Variants in HS6ST2 observed in about 807,000 individuals in gnomAD.
HS6ST2 encodes heparan sulfate 6-O-sulfotransferase 2, also known as heparan-sulfate 6-O-sulfotransferase 2.
Under a neutral mutation model 33.0 loss-of-function variants are expected in HS6ST2, and 17 were observed. That is an observed-to-expected ratio of 0.52 (90% CI 0.35 to 0.77). HS6ST2 has a LOEUF of 0.77. HS6ST2 is among the 30% of genes least tolerant of loss of function. The probability of loss-of-function intolerance (pLI) is 0.01; values close to 1 mark genes in which losing one functional copy is unlikely to be tolerated. For missense variants in HS6ST2, 519 were observed against 551.7 expected (o/e 0.94, Z 0.59); for synonymous variants, 248 against 237.1 (o/e 1.05, Z -0.42).
intron 2 of HS6ST2, among the ~76,000 whole-genome samples, chrX:132,727,338 G>C: frequency 9.0e-6 from 1 of 110,689 alleles, no homozygotes; most frequent in Middle Eastern, 4.6e-3. Flanking sequence ...ATGGTGCTTA[G>C]GCGCTTGGAA....
intron 2 of HS6ST2, among the ~76,000 whole-genome samples, chrX:132,795,329 T>G (rs762994574): frequency 8.9e-6 from 1 of 111,956 alleles, no homozygotes; most frequent in Non-Finnish European, 1.9e-5. Context: ...CATGGAAGGC[T>G]GTGAGTATTT....
intron 2 of HS6ST2, among the ~76,000 whole-genome samples, chrX:132,710,180 G>A (rs981793199): frequency 2.3e-4 from 26 of 110,839 alleles, no homozygotes; most frequent in African/African-American, 7.6e-4. Context: ...ATTGAGTGAC[G>A]ATCCATGAAG....
chrX:132,907,732 C>A (rs1311290536), intron 2 of HS6ST2, among the ~76,000 whole-genome samples: 1 of 111,846 alleles, frequency 8.9e-6, no homozygotes, highest in Non-Finnish European at 1.9e-5. Flanking sequence ...TGCAAATGGA[C>A]AAAGATGGAC....
intron 2 of HS6ST2, among the ~76,000 whole-genome samples, chrX:132,890,847 C>T (rs1205582282): frequency 9.0e-6 from 1 of 110,937 alleles, no homozygotes. Flanking sequence ...TGGGCTTTGG[C>T]TGACAATCAT....
chrX:132,791,216 C>T (rs763505821), intron 2 of HS6ST2, among the ~76,000 whole-genome samples: 6 of 111,963 alleles, frequency 5.4e-5, no homozygotes, highest in Non-Finnish European at 9.4e-5. Flanking sequence ...GGAATGGTGA[C>T]TATCACTTCT....
At chrX:132,722,372 T>C (rs1379552965) in intron 2 of HS6ST2, among the ~76,000 whole-genome samples, 1 of 111,698 alleles carries the variant, frequency 9.0e-6, no homozygotes, top group Non-Finnish European at 1.9e-5. Flanking sequence ...TGAAATAATT[T>C]ACTATTGCAA....
intron 2 of HS6ST2, among the ~76,000 whole-genome samples, chrX:132,852,944 T>C (rs1327379678): frequency 1.8e-5 from 2 of 111,687 alleles, no homozygotes; most frequent in Non-Finnish European, 3.8e-5. Flanking sequence ...GTAGATTTAT[T>C]TGGTCATTTG....
upstream of HS6ST2, among the ~76,000 whole-genome samples, chrX:132,960,389 C>T (rs1191310099): frequency 1.8e-5 from 2 of 111,025 alleles, no homozygotes; most frequent in African/African-American, 6.6e-5. Flanking sequence ...CCTGCCATTA[C>T]ACCACCTTTG....
intron 2 of HS6ST2, among the ~76,000 whole-genome samples, chrX:132,718,865 GTC>G (rs201499423): frequency 0.015 from 1,608 of 106,365 alleles, 31 homozygotes; most frequent in African/African-American, 0.047. Context: ...GACAGATCAG[GTC>G]TCTCTCTCTC....
intron 2 of HS6ST2, among the ~76,000 whole-genome samples, chrX:132,807,559 T>C (rs1408439794): frequency 2.7e-5 from 3 of 111,143 alleles, no homozygotes; most frequent in Non-Finnish European, 5.7e-5. Context: ...CTTTACTCAA[T>C]TTCTGATGCT....
intron 2 of HS6ST2, among the ~76,000 whole-genome samples, chrX:132,886,996 G>A (rs1168702324): frequency 7.2e-5 from 8 of 110,519 alleles, no homozygotes; most frequent in African/African-American, 2.0e-4. Flanking sequence ...TTAGCTGAGC[G>A]TAGTGGCACA....
intron 2 of HS6ST2, among the ~76,000 whole-genome samples, chrX:132,741,603 A>G (rs184099700): frequency 1.8e-5 from 2 of 111,399 alleles, no homozygotes; most frequent in East Asian, 2.8e-4. Flanking sequence ...TTTGAGGGCA[A>G]TTAGCCTCAG....
At chrX:132,660,784 T>C (rs2063765851) in intron 4 of HS6ST2, among the ~76,000 whole-genome samples, 1 of 111,994 alleles carries the variant, frequency 8.9e-6, no homozygotes, top group Admixed American at 9.5e-5. Flanking sequence ...AAAAAACTCA[T>C]AGCTATTTGT....
intron 2 of HS6ST2, among the ~76,000 whole-genome samples, chrX:132,747,054 A>G (rs1156629641): frequency 8.9e-6 from 1 of 112,436 alleles, no homozygotes; most frequent in African/African-American, 3.2e-5. Flanking sequence ...CACTTGGGAC[A>G]TGGAGAAGAC....
intron 2 of HS6ST2, among the ~76,000 whole-genome samples, chrX:132,724,346 C>T (rs1055172606): frequency 8.9e-6 from 1 of 111,736 alleles, no homozygotes; most frequent in African/African-American, 3.3e-5. Flanking sequence ...AAATCAGTAG[C>T]ATTTCTATAT....
intron 2 of HS6ST2, among the ~76,000 whole-genome samples, chrX:132,883,467 GGT>G (rs765472487): frequency 4.5e-5 from 5 of 110,947 alleles, no homozygotes; most frequent in African/African-American, 1.6e-4. Flanking sequence ...TGGAATCGGT[GGT>G]GATATCTCCT....
intron 2 of HS6ST2, among the ~76,000 whole-genome samples, chrX:132,840,291 T>C (rs1271871503): frequency 1.8e-5 from 2 of 110,741 alleles, no homozygotes; most frequent in East Asian, 5.7e-4. Context: ...TTGCATGAGG[T>C]AGAGGGGAGA....
chrX:132,742,725 C>G (rs965702201), intron 2 of HS6ST2, among the ~76,000 whole-genome samples: 2 of 112,643 alleles, frequency 1.8e-5, no homozygotes, highest in Admixed American at 1.9e-4. Flanking sequence ...GGATAATCCA[C>G]AAGTCACACA....
rs17000306 is a variant in HS6ST2 at position 132,714,937 on chromosome X, C to A, written c.948-6443G>T. ...GAGCGAATTTGAGGGGACCTACTGA[C>A]GGCTTAGTGTGGTCACTCTCTGAGG... On this transcript the variant is annotated intron_variant, in intron 2 of 4. Transcript: ENST00000370833. Among the ~76,000 whole-genome samples the A allele has an allele frequency of 6.7e-3, 744 of 111,734 alleles. 4 individuals carry two copies. Among genetic ancestry groups the A allele is most frequent in the Middle Eastern group, 0.014 (3 of 214 alleles).
Sources: gnomAD v4.1 joint callset for allele counts (sites outside exome capture counted in the v4.1 genomes callset) on GRCh38, gnomAD v4.1.1 for gene constraint, MANE v1.5 for transcripts, NCBI Gene and HGNC (gene_info 2026-07-23, HGNC 2026-07-21) for gene names.